PDE7B: variants seen among roughly 807,000 people sequenced by gnomAD.
PDE7B encodes 3',5'-cyclic-AMP phosphodiesterase 7B.
A neutral mutation model predicts 56.2 loss-of-function variants in PDE7B; 29 were observed. That is an observed-to-expected ratio of 0.52 (90% CI 0.38 to 0.70). The LOEUF is 0.70. PDE7B is among the 30% of genes least tolerant of loss of function. The pLI is 0.00. For missense variants in PDE7B, 490 were observed against 565.0 expected (o/e 0.87, Z 1.35); for synonymous variants, 197 against 196.9 (o/e 1.00, Z 0.00).
intron 2 of PDE7B, among the ~76,000 whole-genome samples, chr6:136,089,644 A>C (rs1357329310): frequency 2.0e-5 from 3 of 152,218 alleles, no homozygotes; most frequent in Non-Finnish European, 4.4e-5. Flanking sequence ...AAAAACAAGA[A>C]ATGAATGGAA....
chr6:136,073,991 C>G (rs1350473447), intron 2 of PDE7B, among the ~76,000 whole-genome samples: 1 of 152,118 alleles, frequency 6.6e-6, no homozygotes, highest in Non-Finnish European at 1.5e-5. Flanking sequence ...AGAATTTATG[C>G]CTATCTCGTT....
At chr6:135,900,724 A>G (rs1475595710) in intron 1 of PDE7B, among the ~76,000 whole-genome samples, 1 of 151,636 alleles carries the variant, frequency 6.6e-6, no homozygotes, top group East Asian at 1.9e-4. Flanking sequence ...TAATTTCCTT[A>G]TTCTGTATTT....
At chr6:136,080,545 G>A (rs149704830) in intron 2 of PDE7B, among the ~76,000 whole-genome samples, 3,579 of 152,246 alleles carry the variant, frequency 0.024, 61 homozygotes, top group South Asian at 0.077. Context: ...TCTGAAGTTC[G>A]TAGGAAGATG....
chr6:135,928,429 TTA>T lies in PDE7B; in HGVS notation c.22-19017_22-19016del, dbSNP rs755915341. ...GGCAGACTGAATAAAGAAAATGTGATTATATATATATATATATATTTATTTAT... is the reference window on the plus strand; with the variant it reads ...GGCAGACTGAATAAAGAAAATGTGATTATATATATATATATATTTATTTAT... On this transcript the variant is annotated intron_variant, in intron 1 of 12. Transcript: ENST00000308191. Among the ~76,000 whole-genome samples the T allele has an allele frequency of 4.9e-3, 503 of 102,958 alleles. 4 individuals carry two copies. Among genetic ancestry groups the T allele is most frequent in the African/African-American group, 5.7e-3 (159 of 27,660 alleles). 67.5% of individuals were successfully genotyped at this position (102,958 alleles called of 152,430 possible).
intron 3 of PDE7B, among the ~76,000 whole-genome samples, chr6:136,118,592 T>G (rs985668710): frequency 6.6e-6 from 1 of 152,204 alleles, no homozygotes; most frequent in African/African-American, 2.4e-5. Context: ...TCACCCAGCT[T>G]GTAAGCCAGA....
intron 1 of PDE7B, among the ~76,000 whole-genome samples, chr6:135,933,720 G>A (rs990470720): frequency 1.8e-5 from 2 of 108,668 alleles, no homozygotes; most frequent in Non-Finnish European, 3.8e-5. Context: ...ATTGTTAAAT[G>A]ATGAATATGT....
chr6:136,013,969 TTC>T (rs1285895102), intron 2 of PDE7B, among the ~76,000 whole-genome samples: 4 of 152,344 alleles, frequency 2.6e-5, no homozygotes, highest in Non-Finnish European at 5.9e-5. Context: ...TGAGCGGTTC[TTC>T]CTGTTGTAAA....
intron 2 of PDE7B, among the ~76,000 whole-genome samples, chr6:136,081,119 C>T (rs1777201173): frequency 6.6e-6 from 1 of 152,038 alleles, no homozygotes; most frequent in Non-Finnish European, 1.5e-5. Context: ...CTTTATTTCA[C>T]CCTGAAGGTG....
intron 2 of PDE7B, among the ~76,000 whole-genome samples, chr6:136,086,555 AC>A (rs1419246842): frequency 1.3e-5 from 2 of 152,222 alleles, no homozygotes; most frequent in Non-Finnish European, 2.9e-5. Context: ...TTGGCCCCAT[AC>A]TAAAACTTTT....
intron 3 of PDE7B, among the ~76,000 whole-genome samples, chr6:136,127,713 A>T (rs1421659289): frequency 6.6e-6 from 1 of 152,240 alleles, no homozygotes; most frequent in East Asian, 1.9e-4. Flanking sequence ...TGAAAACCAG[A>T]TACTTTAAAA....
chr6:135,896,287 T>C (rs1389603622), intron 1 of PDE7B, among the ~76,000 whole-genome samples: 1 of 152,100 alleles, frequency 6.6e-6, no homozygotes, highest in African/African-American at 2.4e-5. Context: ...TATGAACTTG[T>C]TCATACACGA....
chr6:135,899,132 C>T (rs1255464232), intron 1 of PDE7B, among the ~76,000 whole-genome samples: 1 of 152,104 alleles, frequency 6.6e-6, no homozygotes, highest in Non-Finnish European at 1.5e-5. Context: ...CCTCATTCAC[C>T]TTCTGCCATG....
chr6:135,944,631 A>G (rs958417813), intron 1 of PDE7B, among the ~76,000 whole-genome samples: 10 of 152,170 alleles, frequency 6.6e-5, no homozygotes, highest in Non-Finnish European at 1.3e-4. Flanking sequence ...TTGTCTAGCC[A>G]GTGAACCCAG....
intron 2 of PDE7B, chr6:136,038,011 A>G: frequency 7.7e-7 from 1 of 1,297,786 alleles, no homozygotes; most frequent in Non-Finnish European, 1.0e-6. Context: ...GTACAGTAAC[A>G]GTTTCTCACC....
At chr6:136,018,854 G>A (rs889306301) in intron 2 of PDE7B, among the ~76,000 whole-genome samples, 7 of 151,948 alleles carry the variant, frequency 4.6e-5, no homozygotes, top group African/African-American at 1.7e-4. Flanking sequence ...AAACTTTGGT[G>A]ATCTTGCTTC....
intron 3 of PDE7B, among the ~76,000 whole-genome samples, chr6:136,133,523 C>T (rs898873643): frequency 3.3e-5 from 5 of 152,116 alleles, no homozygotes; most frequent in Non-Finnish European, 7.4e-5. Flanking sequence ...TACTTCAATT[C>T]AACAATTACA....
In PDE7B at chr6:135,864,227, T is replaced by A. The variant is rs560133304; in HGVS notation, c.21+12208T>A. Among the ~76,000 whole-genome samples, 112 of 152,276 alleles carry A rather than the reference T, an allele frequency of 7.4e-4. 1 individual carries two copies. Among genetic ancestry groups the A allele is most frequent in the African/African-American group, 2.5e-3 (104 of 41,586 alleles). On this transcript the variant is annotated intron_variant, in intron 1 of 12. Coordinates refer to ENST00000308191, the MANE Select transcript of PDE7B (RefSeq NM_018945.4). ...TTTGAGAACTTCGGAATGCCTTAACTACTTTTGTATCCCTCCTAAATTATA... is the reference window on the plus strand; with the variant it reads ...TTTGAGAACTTCGGAATGCCTTAACAACTTTTGTATCCCTCCTAAATTATA...
At chr6:135,951,899 G>T (rs2128200142) in intron 2 of PDE7B, among the ~76,000 whole-genome samples, 1 of 152,218 alleles carries the variant, frequency 6.6e-6, no homozygotes, top group South Asian at 2.1e-4. Context: ...TATTATAAAT[G>T]ATTTAAATGA....
At chr6:135,893,051 A>G (rs1775836419) in intron 1 of PDE7B, among the ~76,000 whole-genome samples, 3 of 152,112 alleles carry the variant, frequency 2.0e-5, no homozygotes. Context: ...AATTGTAAAT[A>G]CCTATAGGGA....
Sources: allele counts gnomAD v4.1 joint callset (sites outside exome capture counted in the v4.1 genomes callset), GRCh38; gene constraint gnomAD v4.1.1; transcripts MANE v1.5; gene names NCBI Gene and HGNC (gene_info 2026-07-23, HGNC 2026-07-21).